Variants in BMPR1A observed in about 807,000 individuals in gnomAD.
The protein encoded by BMPR1A is bone morphogenetic protein receptor type 1A.
A neutral mutation model predicts 66.0 loss-of-function variants in BMPR1A; 7 were observed. The observed-to-expected ratio is 0.11, with a 90% CI of 0.06 to 0.20. BMPR1A has a LOEUF of 0.20. Ranked by LOEUF, BMPR1A falls within the 10% of genes least tolerant of loss-of-function variation. The probability of loss-of-function intolerance (pLI) is 1.00; values close to 1 mark genes in which losing one functional copy is unlikely to be tolerated. For missense variants in BMPR1A, 408 were observed against 669.1 expected (o/e 0.61, Z 4.31); for synonymous variants, 200 against 229.7 (o/e 0.87, Z 1.17).
intron 7 of BMPR1A, among the ~76,000 whole-genome samples, chr10:86,900,442 G>GTTTTTTTTTTTTTTT (rs1843293006): frequency 6.8e-6 from 1 of 146,702 alleles, no homozygotes. Flanking sequence ...TTTTTTTTGC[G>GTTTTTTTTTTTTTTT]TTATAATTCT....
Position 86,756,875 on chromosome 10 carries a change from C to T in BMPR1A, c.-312C>T, listed in dbSNP as rs1212532153. 6.6e-6 allele frequency: 1 copy of T among 151,968 alleles called. No homozygotes were observed. The highest frequency in any genetic ancestry group is 2.4e-5 in the African/African-American group (1 of 41,400). 9.4% of individuals were successfully genotyped at this position (151,968 alleles called of 1,614,324 possible). A position where few individuals can be genotyped will look rare whatever the true frequency, so the allele number is the denominator to read the frequency against. ...TCGCCCCGGCGGCTCGCCGCGCCCACCCGCTCCGCGCCGAGGGCTGGAGGA... is the reference window on the plus strand; with the variant it reads ...TCGCCCCGGCGGCTCGCCGCGCCCATCCGCTCCGCGCCGAGGGCTGGAGGA... On this transcript the variant is annotated 5_prime_UTR_variant, in exon 1 of 13. Coordinates refer to ENST00000372037, the MANE Select transcript of BMPR1A (RefSeq NM_004329.3).
At chr10:86,860,220 G>A (rs1405983139) in intron 2 of BMPR1A, among the ~76,000 whole-genome samples, 1 of 152,002 alleles carries the variant, frequency 6.6e-6, no homozygotes, top group African/African-American at 2.4e-5. Flanking sequence ...TAAAACACTA[G>A]ATAACAATGA....
In BMPR1A at chr10:86,924,837, T is replaced by C. The variant is rs1843717658; in HGVS notation, c.*1118T>C. The C allele has an allele frequency of 8.6e-6, 2 of 232,398 alleles. No individual in the cohort carries two copies. The highest frequency in any genetic ancestry group is 2.2e-5 in the African/African-American group (1 of 45,292). 14.4% of individuals were successfully genotyped at this position (232,398 alleles called of 1,614,324 possible). Reference sequence around the variant, plus strand: ...CATATCCCATCCTTAAGAGAAGAAATGTTATAAAGTAGAACTAAATATAAA... The same window carrying C: ...CATATCCCATCCTTAAGAGAAGAAACGTTATAAAGTAGAACTAAATATAAA... On this transcript the variant is annotated 3_prime_UTR_variant, in exon 13 of 13. Coordinates refer to ENST00000372037, the MANE Select transcript of BMPR1A (RefSeq NM_004329.3).
intron 2 of BMPR1A, among the ~76,000 whole-genome samples, chr10:86,839,592 CAAA>C (rs1210538965): frequency 8.2e-5 from 6 of 73,028 alleles, no homozygotes; most frequent in South Asian, 1.1e-3. Context: ...GACTCTGTCT[CAAA>C]AAAAAAAAAA....
chr10:86,910,440 T>C (rs1201298482), intron 7 of BMPR1A, among the ~76,000 whole-genome samples: 2 of 152,200 alleles, frequency 1.3e-5, no homozygotes, highest in African/African-American at 2.4e-5. Context: ...GGTGACACTT[T>C]GTGTACTTAC....
At chr10:86,806,280 C>T (rs1841888429) in intron 1 of BMPR1A, among the ~76,000 whole-genome samples, 2 of 152,104 alleles carry the variant, frequency 1.3e-5, no homozygotes, top group Admixed American at 1.3e-4. Flanking sequence ...ACTGTTTTCC[C>T]TCTTGTAACT....
intron 1 of BMPR1A, among the ~76,000 whole-genome samples, chr10:86,818,451 T>C (rs1429494804): frequency 6.6e-6 from 1 of 152,168 alleles, no homozygotes; most frequent in Admixed American, 6.5e-5. Context: ...GAATAGTTCT[T>C]CGGTTAATAA....
At chr10:86,819,288 A>G (rs952976292) in intron 1 of BMPR1A, among the ~76,000 whole-genome samples, 2 of 152,152 alleles carry the variant, frequency 1.3e-5, no homozygotes, top group African/African-American at 2.4e-5. Flanking sequence ...TTTCAATTAT[A>G]CAGAATTTGA....
At chr10:86,797,300 G>A (rs1243593715) in intron 1 of BMPR1A, among the ~76,000 whole-genome samples, 2 of 140,900 alleles carry the variant, frequency 1.4e-5, no homozygotes, top group Non-Finnish European at 3.1e-5. Context: ...GCCCAATCTC[G>A]GTTCACTGCA....
intron 5 of BMPR1A, among the ~76,000 whole-genome samples, chr10:86,892,537 TC>T (rs1169463342): frequency 6.6e-6 from 1 of 152,202 alleles, no homozygotes; most frequent in East Asian, 1.9e-4. Context: ...CAAGCCAGCC[TC>T]CTGCCTCAGC....
intron 1 of BMPR1A, among the ~76,000 whole-genome samples, chr10:86,792,363 C>T (rs1279755673): frequency 1.3e-5 from 2 of 152,102 alleles, no homozygotes; most frequent in African/African-American, 2.4e-5. Flanking sequence ...GCATGCCTGG[C>T]CTACTGTCAG....
intron 11 of BMPR1A, among the ~76,000 whole-genome samples, chr10:86,922,629 C>A (rs185344061): frequency 6.6e-6 from 1 of 152,334 alleles, no homozygotes; most frequent in African/African-American, 2.4e-5. Context: ...CCTGTCCCAG[C>A]GGAGTCAGGG....
At chr10:86,817,566 A>G (rs1182908625) in intron 1 of BMPR1A, among the ~76,000 whole-genome samples, 1 of 152,234 alleles carries the variant, frequency 6.6e-6, no homozygotes, top group Non-Finnish European at 1.5e-5. Flanking sequence ...TATGCAACTA[A>G]AAGAGTACTG....
chr10:86,789,737 G>A (rs528886016), intron 1 of BMPR1A, among the ~76,000 whole-genome samples: 6 of 149,560 alleles, frequency 4.0e-5, no homozygotes, highest in African/African-American at 7.4e-5. Flanking sequence ...AAACAAACAC[G>A]TAACTAACTT....
At chr10:86,834,401 T>A (rs1842313294) in intron 1 of BMPR1A, among the ~76,000 whole-genome samples, 1 of 152,236 alleles carries the variant, frequency 6.6e-6, no homozygotes, top group African/African-American at 2.4e-5. Context: ...CTACACTGTG[T>A]CATGCTGGAT....
chr10:86,769,547 A>G (rs1841218695), intron 1 of BMPR1A, among the ~76,000 whole-genome samples: 2 of 152,246 alleles, frequency 1.3e-5, no homozygotes, highest in Admixed American at 6.5e-5. Flanking sequence ...AGCCCTAGGC[A>G]TTAGTGGCCA....
At position 86,855,822 on chromosome 10, in the gene BMPR1A, C is replaced by CA. The variant is rs1842632593; in HGVS notation, c.-153+16846dup. ...CTGTTTCCTGGTAGAATGGAGGAAACAAAGTCTTGCTCATTATCACTGCTG... is the reference window on the plus strand; with the variant it reads ...CTGTTTCCTGGTAGAATGGAGGAAACAAAAGTCTTGCTCATTATCACTGCTG... On this transcript the variant is annotated intron_variant, in intron 2 of 12. Coordinates refer to ENST00000372037, the MANE Select transcript of BMPR1A (RefSeq NM_004329.3). 3.8e-6 allele frequency: 4 copies of CA among 1,059,516 alleles called. No homozygotes were observed. In the Admixed American group the frequency reaches 7.0e-5, roughly 19 times the overall value. 65.6% of individuals were successfully genotyped at this position (1,059,516 alleles called of 1,614,324 possible). A position where few individuals can be genotyped will look rare whatever the true frequency, so the allele number is the denominator to read the frequency against.
chr10:86,783,650 G>A (rs1223160880), intron 1 of BMPR1A, among the ~76,000 whole-genome samples: 2 of 152,258 alleles, frequency 1.3e-5, no homozygotes, highest in South Asian at 2.1e-4. Flanking sequence ...GTGCAGTGGC[G>A]TGATCATGGC....
At chr10:86,874,115 C>G (rs992599237) in intron 2 of BMPR1A, among the ~76,000 whole-genome samples, 1 of 152,118 alleles carries the variant, frequency 6.6e-6, no homozygotes, top group African/African-American at 2.4e-5. Flanking sequence ...ATAGTTCAAG[C>G]TGAAAGTCAA....
Sources: gnomAD v4.1 joint callset for allele counts (sites outside exome capture counted in the v4.1 genomes callset) on GRCh38, gnomAD v4.1.1 for gene constraint, MANE v1.5 for transcripts, NCBI Gene and HGNC (gene_info 2026-07-23, HGNC 2026-07-21) for gene names.